The following WWOX variants were observed in gnomAD, a reference collection of about 807,000 sequenced individuals.
WWOX encodes WW domain containing oxidoreductase.
A neutral mutation model predicts 46.2 loss-of-function variants in WWOX; 69 were observed. The observed-to-expected ratio is 1.49, with a 90% CI of 1.23 to 1.82. The LOEUF (loss-of-function observed/expected upper bound fraction) is 1.82. WWOX is among the 40% of genes most tolerant of loss of function. WWOX has a pLI of 0.00. For synonymous variants in WWOX, 359 were observed against 202.6 expected (o/e 1.77, Z -6.56); for missense variants, 919 against 542.6 (o/e 1.69, Z -6.89).
chr16:78,751,417 A>G (rs1479693968), intron 8 of WWOX, among the ~76,000 whole-genome samples: 1 of 142,292 alleles, frequency 7.0e-6, no homozygotes, highest in Non-Finnish European at 1.5e-5. Context: ...TTATCAGATT[A>G]TATATATATA....
At chr16:79,207,367 C>T (rs1251171062) in intron 8 of WWOX, among the ~76,000 whole-genome samples, 3 of 152,254 alleles carry the variant, frequency 2.0e-5, no homozygotes, top group Non-Finnish European at 4.4e-5. Context: ...CACTTCAGAT[C>T]ACCACTTTGT....
intron 8 of WWOX, among the ~76,000 whole-genome samples, chr16:79,032,263 A>G (rs2047777302): frequency 6.8e-6 from 1 of 146,384 alleles, no homozygotes; most frequent in African/African-American, 2.5e-5. Context: ...TATTACATAT[A>G]CATAATATAT....
chr16:78,449,136 C>T (rs964510784), intron 8 of WWOX, among the ~76,000 whole-genome samples: 1 of 152,126 alleles, frequency 6.6e-6, no homozygotes, highest in African/African-American at 2.4e-5. Flanking sequence ...GGACTCAGTT[C>T]CTTATGGCCC....
intron 5 of WWOX, among the ~76,000 whole-genome samples, chr16:78,266,868 C>A (rs1479865947): frequency 1.3e-5 from 2 of 149,116 alleles, no homozygotes; most frequent in Non-Finnish European, 3.0e-5. Context: ...TATGGTTTGG[C>A]TGTGTCCCCA....
At chr16:78,436,116 G>T (rs1463985729) in intron 8 of WWOX, among the ~76,000 whole-genome samples, 5 of 152,218 alleles carry the variant, frequency 3.3e-5, no homozygotes, top group Non-Finnish European at 7.3e-5. Flanking sequence ...CGCATGGGAG[G>T]TATGCAGTAC....
chr16:78,349,811 G>T (rs142234131), intron 5 of WWOX, among the ~76,000 whole-genome samples: 1 of 121,174 alleles, frequency 8.3e-6, no homozygotes, highest in African/African-American at 2.8e-5. Context: ...CAAGCCCAGT[G>T]ATTGGAAAAC....
chr16:78,168,849 A>G (rs2035058900), intron 5 of WWOX, among the ~76,000 whole-genome samples: 1 of 152,232 alleles, frequency 6.6e-6, no homozygotes, highest in Admixed American at 6.5e-5. Flanking sequence ...TTAAGAACCT[A>G]TATGTAATTA....
Position 78,818,098 on chromosome 16 carries a change from A to C in WWOX, c.1056+385346A>C, listed in dbSNP as rs577810283. Among the ~76,000 whole-genome samples the C allele has an allele frequency of 9.8e-5, 15 of 152,308 alleles. 1 individual carries two copies. The South Asian group carries it at 2.9e-3, about 29-fold the overall frequency. Reference sequence around the variant, plus strand: ...ATCAGAGCTAATCCCTATTGGGCTAATGTGGCCAGGCTTTTATAAACCTGC... The same window carrying C: ...ATCAGAGCTAATCCCTATTGGGCTACTGTGGCCAGGCTTTTATAAACCTGC... On this transcript the variant is annotated intron_variant, in intron 8 of 8. Transcript: ENST00000566780.
At chr16:78,186,488 A>T (rs915302896) in intron 5 of WWOX, among the ~76,000 whole-genome samples, 15 of 152,180 alleles carry the variant, frequency 9.9e-5, no homozygotes, top group Admixed American at 5.9e-4. Flanking sequence ...TTTATGCCAG[A>T]TGCAGTGCCT....
At chr16:78,928,274 C>T (rs1277594947) in intron 8 of WWOX, among the ~76,000 whole-genome samples, 3 of 149,200 alleles carry the variant, frequency 2.0e-5, no homozygotes, top group Admixed American at 6.7e-5. Context: ...GCGATCTCGG[C>T]TCACTGCAAG....
chr16:78,728,389 T>A (rs1373329573), intron 8 of WWOX, among the ~76,000 whole-genome samples: 1 of 152,134 alleles, frequency 6.6e-6, no homozygotes, highest in Non-Finnish European at 1.5e-5. Flanking sequence ...AACATTTCTA[T>A]AAAATATAAC....
intron 8 of WWOX, among the ~76,000 whole-genome samples, chr16:78,517,678 T>C (rs1442711217): frequency 6.6e-6 from 1 of 151,966 alleles, no homozygotes; most frequent in Non-Finnish European, 1.5e-5. Context: ...AAGCGCGAGG[T>C]GGTGAGGATG....
intron 8 of WWOX, among the ~76,000 whole-genome samples, chr16:79,207,704 A>T (rs1217766032): frequency 6.6e-6 from 1 of 152,230 alleles, no homozygotes; most frequent in East Asian, 1.9e-4. Context: ...AAAAACCTGA[A>T]AGCAAAACAC....
At chr16:79,081,126 G>C (rs1404578066) in intron 8 of WWOX, among the ~76,000 whole-genome samples, 2 of 152,134 alleles carry the variant, frequency 1.3e-5, no homozygotes, top group African/African-American at 4.8e-5. Context: ...GTGGAGATAA[G>C]AAAATCGAGA....
intron 8 of WWOX, among the ~76,000 whole-genome samples, chr16:78,921,798 C>G (rs748482077): frequency 1.8e-4 from 27 of 152,238 alleles, no homozygotes; most frequent in Non-Finnish European, 2.8e-4. Flanking sequence ...TGTCCTTACT[C>G]TGACACCCAC....
intron 8 of WWOX, among the ~76,000 whole-genome samples, chr16:79,012,480 C>A (rs565133758): frequency 3.3e-5 from 5 of 152,018 alleles, no homozygotes; most frequent in African/African-American, 1.2e-4. Context: ...AGTGATTTGC[C>A]CACCTTAGCC....
At chr16:78,669,115 C>T (rs371673045) in intron 8 of WWOX, among the ~76,000 whole-genome samples, 21 of 152,050 alleles carry the variant, frequency 1.4e-4, no homozygotes, top group African/African-American at 4.8e-4. Flanking sequence ...AAACCACCTC[C>T]GTTGCTGTGG....
chr16:78,910,574 C>G (rs993213427), intron 8 of WWOX, among the ~76,000 whole-genome samples: 5 of 151,474 alleles, frequency 3.3e-5, no homozygotes, highest in South Asian at 2.1e-4. Flanking sequence ...AAGACATACC[C>G]AAGACTGAGT....
At chr16:78,463,162 C>T (rs1041162625) in intron 8 of WWOX, among the ~76,000 whole-genome samples, 1 of 152,090 alleles carries the variant, frequency 6.6e-6, no homozygotes, top group African/African-American at 2.4e-5. Flanking sequence ...AGAGTGAAAA[C>T]GCGAAAGAAA....
Sources: allele counts gnomAD v4.1 joint callset (sites outside exome capture counted in the v4.1 genomes callset), GRCh38; gene constraint gnomAD v4.1.1; transcripts MANE v1.5; gene names NCBI Gene and HGNC (gene_info 2026-07-23, HGNC 2026-07-21).